The following FAM170A variants were observed in gnomAD, a reference collection of about 807,000 sequenced individuals.
FAM170A encodes family with sequence similarity 170 member A, also known as protein FAM170A.
Under a neutral mutation model 36.6 loss-of-function variants are expected in FAM170A, and 28 were observed. The observed-to-expected ratio is 0.76, with a 90% confidence interval of 0.57 to 1.05. FAM170A has a LOEUF of 1.05. Ranked by LOEUF, FAM170A falls within the 50% of genes least tolerant of loss-of-function variation. The pLI is 0.00. For synonymous variants in FAM170A, 156 were observed against 143.9 expected (o/e 1.08, Z -0.60); for missense variants, 434 against 396.5 (o/e 1.09, Z -0.80).
intron 1 of FAM170A, among the ~76,000 whole-genome samples, chr5:119,632,016 C>A (rs1185999273): frequency 6.6e-6 from 1 of 152,170 alleles, no homozygotes; most frequent in African/African-American, 2.4e-5. Context: ...ATGGAACATA[C>A]TGACACTAAA....
At chr5:119,633,840 C>T in intron 2 of FAM170A, 120 bp from the exon 3 acceptor site, 1 of 1,285,406 alleles carries the variant, frequency 7.8e-7, no homozygotes, top group Non-Finnish European at 1.1e-6. Context: ...ATACCAAGCT[C>T]ACTACACAGC....
intron 2 of FAM170A, 60 bp from the exon 3 acceptor site, chr5:119,633,900 G>T: frequency 7.1e-6 from 11 of 1,550,648 alleles, no homozygotes; most frequent in Middle Eastern, 3.5e-4. Context: ...TTTAACTTAC[G>T]TTCCCTCAGC....
chr5:119,629,925 T>C lies in FAM170A; in HGVS notation c.70+87T>C, dbSNP rs1478453305. ...TTTCTTTTTTGAGACGGAGTCTCGC[T>C]CTATCGCCCAGGCTGGAGTGCAGTG... On this transcript the variant is annotated intron_variant, in intron 1 of 4. Transcript: ENST00000613773. 8.2e-6 allele frequency: 9 copies of C among 1,092,446 alleles called. No homozygotes were observed. In the Admixed American group the frequency reaches 1.6e-4, roughly 20 times the overall value. The allele number at this position is 1,092,446 out of a possible 1,614,324, so 67.7% of individuals were successfully genotyped here.
intron 1 of FAM170A, 41 bp from the exon 2 acceptor site, chr5:119,632,707 A>T (rs749757242): frequency 6.7e-6 from 10 of 1,488,740 alleles, no homozygotes; most frequent in Non-Finnish European, 9.1e-6. Context: ...CACAAACATT[A>T]CCCATCCATC....
rs1463340148 is a variant in FAM170A, at chr5:119,634,752, T to A, written c.986+18T>A. On this transcript the variant is annotated intron_variant, in intron 3 of 4. Coordinates refer to ENST00000613773, the Ensembl canonical transcript of FAM170A. Reference sequence around the variant, plus strand: ...GACAGGAAGTGAGCAAAGCCTGGGTTGTGGGTCTGCTGAGGGAGCAATGGC... The same window carrying A: ...GACAGGAAGTGAGCAAAGCCTGGGTAGTGGGTCTGCTGAGGGAGCAATGGC... 6.6e-7 allele frequency: 1 copy of A among 1,524,744 alleles called. No homozygotes were observed. Among genetic ancestry groups the A allele is most frequent in the Non-Finnish European group, 8.8e-7 (1 of 1,138,572 alleles). 94.5% of individuals were successfully genotyped at this position (1,524,744 alleles called of 1,614,324 possible).
chr5:119,633,167 G>A (rs1403831723), intron 2 of FAM170A, among the ~76,000 whole-genome samples: 1 of 152,138 alleles, frequency 6.6e-6, no homozygotes, highest in East Asian at 1.9e-4. Flanking sequence ...CTCTTTGGGT[G>A]CTGGACTCCT....
exon 1 of FAM170A, chr5:119,629,618 T>A: frequency 1.7e-6 from 1 of 598,072 alleles, no homozygotes; most frequent in Non-Finnish European, 3.0e-6. Flanking sequence ...CACTAAGCGG[T>A]CTGAGTTCTT....
intron 1 of FAM170A, among the ~76,000 whole-genome samples, chr5:119,630,915 GT>G (rs1047564881): frequency 1.3e-5 from 2 of 152,206 alleles, no homozygotes; most frequent in African/African-American, 4.8e-5. Flanking sequence ...TGAAATGCTT[GT>G]TAGAAAGTAG....
chr5:119,630,340 T>G (rs1460962504), intron 1 of FAM170A, among the ~76,000 whole-genome samples: 8 of 147,804 alleles, frequency 5.4e-5, no homozygotes, highest in Non-Finnish European at 1.0e-4. Context: ...TTTTTTTTTT[T>G]TTTTGTATTT....
chr5:119,630,749 T>G (rs57470307), intron 1 of FAM170A, among the ~76,000 whole-genome samples: 5,503 of 152,294 alleles, frequency 0.036, 315 homozygotes, highest in African/African-American at 0.13. Context: ...AGTCTCATCT[T>G]TCTCTCGTAT....
intron 4 of FAM170A, 147 bp downstream of exon 4, chr5:119,635,233 G>T: frequency 1.6e-6 from 1 of 614,074 alleles, no homozygotes; most frequent in Non-Finnish European, 2.9e-6. Flanking sequence ...TGGGGGAATT[G>T]TCCTCCATTT....
In FAM170A at chr5:119,629,797, T is replaced by A; in HGVS notation, c.29T>A (p.Leu10Ter). The A allele has an allele frequency of 6.2e-7, 1 of 1,613,758 alleles. No homozygotes were observed. The highest frequency in any genetic ancestry group is 8.5e-7 in the Non-Finnish European group (1 of 1,179,782). ...AAACGACGACAAAAGAGGAAACATT[T>A]GGAAAATGAAGAGTCCCAGGAAACC... Residue 10 changes from leucine to a stop codon, truncating the protein, a stop_gained, in exon 1 of 5, where the codon TTG (leucine) becomes TAG (stop). Transcript: ENST00000613773. LOFTEE classifies it high-confidence loss of function.
chr5:119,631,992 G>C (rs1756262363), intron 1 of FAM170A, among the ~76,000 whole-genome samples: 1 of 152,100 alleles, frequency 6.6e-6, no homozygotes, highest in African/African-American at 2.4e-5. Flanking sequence ...GTATAAGTGT[G>C]TCCCAAATAT....
intron 1 of FAM170A, among the ~76,000 whole-genome samples, chr5:119,630,424 G>A (rs1756224536): frequency 6.6e-6 from 1 of 151,622 alleles, no homozygotes; most frequent in South Asian, 2.1e-4. Flanking sequence ...ACCTGCCTCG[G>A]CCTCCCAAAG....
chr5:119,634,316 G>A (rs1756327575), exon 3 of FAM170A: 1 of 1,614,220 alleles, frequency 6.2e-7, no homozygotes, highest in Non-Finnish European at 8.5e-7. Context: ...GCCCAGTGGG[G>A]AGGAGAAAGA....
chr5:119,631,783 A>C (rs1756257373), intron 1 of FAM170A, among the ~76,000 whole-genome samples: 1 of 151,992 alleles, frequency 6.6e-6, no homozygotes, highest in Non-Finnish European at 1.5e-5. Flanking sequence ...ATGTTAAACT[A>C]TCTCTAAATA....
At chr5:119,634,393 C>T in exon 3 of FAM170A, 1 of 1,614,154 alleles carries the variant, frequency 6.2e-7, no homozygotes, top group Non-Finnish European at 8.5e-7. Context: ...CACCCAGAGC[C>T]AAGACTCCTG....
intron 1 of FAM170A, among the ~76,000 whole-genome samples, 170 bp downstream of exon 1, chr5:119,630,008 C>T (rs552187695): frequency 2.8e-4 from 42 of 152,144 alleles, no homozygotes; most frequent in African/African-American, 8.4e-4. Context: ...TCTCCTGCCT[C>T]AGCCTCCCGA....
chr5:119,634,135 C>T, exon 3 of FAM170A: 1 of 1,614,068 alleles, frequency 6.2e-7, no homozygotes, highest in Non-Finnish European at 8.5e-7. Flanking sequence ...TGAAAATATA[C>T]TACATGCAGG....
Sources: allele counts gnomAD v4.1 joint callset (sites outside exome capture counted in the v4.1 genomes callset), GRCh38; gene constraint gnomAD v4.1.1; transcripts MANE v1.5; gene names NCBI Gene and HGNC (gene_info 2026-07-23, HGNC 2026-07-21).